Variants in SP3 observed in about 807,000 individuals in gnomAD.
SP3 encodes the protein Sp3 transcription factor.
In SP3, 10 loss-of-function variants were observed where a neutral mutation model predicts 70.3. The ratio of observed to expected loss-of-function variants is 0.14; its 90% confidence interval spans 0.09 to 0.24. The LOEUF (loss-of-function observed/expected upper bound fraction) is 0.24. SP3 is among the 10% of genes least tolerant of loss of function. SP3 has a pLI of 1.00. For missense variants in SP3, 825 were observed against 914.6 expected, an observed-to-expected ratio of 0.90 and a Z score of 1.26; for synonymous variants, 402 against 333.5, an observed-to-expected ratio of 1.21 and a Z score of -2.24.
At chr2:173,918,267 T>TA (rs1470835297) in intron 5 of SP3, among the ~76,000 whole-genome samples, 4 of 152,136 alleles carry the variant, frequency 2.6e-5, no homozygotes, top group East Asian at 1.9e-4. Flanking sequence ...ATTCTCAACC[T>TA]AAAAAATCAA....
At chr2:173,933,890 C>G (rs1199837397) in intron 4 of SP3, among the ~76,000 whole-genome samples, 2 of 151,780 alleles carry the variant, frequency 1.3e-5, no homozygotes, top group Non-Finnish European at 2.9e-5. Flanking sequence ...CATGGAACAT[C>G]ATTTGCCCTT....
intron 4 of SP3, among the ~76,000 whole-genome samples, chr2:173,951,808 A>C (rs1237471684): frequency 6.6e-6 from 1 of 152,182 alleles, no homozygotes; most frequent in African/African-American, 2.4e-5. Flanking sequence ...CTTTGAATGG[A>C]TCTTTTACTC....
rs1463814975 is a variant in SP3 at position 173,907,171 on chromosome 2, T to C, written c.*2770A>G. 6.6e-6 allele frequency: 1 copy of C among 152,144 alleles called. No homozygotes were observed. Among genetic ancestry groups the C allele is most frequent in the Non-Finnish European group, 1.5e-5 (1 of 67,986 alleles). 9.4% of individuals were successfully genotyped at this position (152,144 alleles called of 1,614,324 possible). On this transcript the variant is annotated 3_prime_UTR_variant, in exon 7 of 7. Transcript: ENST00000310015. ...CTTTCTTAAATTAAAATTTGAGGTATACAGATAATCGCGTCCACTAAATGT... is the reference window on the plus strand; with the variant it reads ...CTTTCTTAAATTAAAATTTGAGGTACACAGATAATCGCGTCCACTAAATGT...
At chr2:173,921,111 T>G (rs188780391) in intron 4 of SP3, among the ~76,000 whole-genome samples, 2 of 152,302 alleles carry the variant, frequency 1.3e-5, no homozygotes. Context: ...TGAATGCATA[T>G]TGTACTTCAA....
chr2:173,938,942 T>A (rs959575889), intron 4 of SP3, among the ~76,000 whole-genome samples: 2 of 152,190 alleles, frequency 1.3e-5, no homozygotes, highest in Admixed American at 1.3e-4. Flanking sequence ...CCATTTTTTT[T>A]ATTATCACAA....
chr2:173,920,537 G>C (rs192475738), intron 4 of SP3, among the ~76,000 whole-genome samples: 3 of 152,028 alleles, frequency 2.0e-5, no homozygotes, highest in Non-Finnish European at 4.4e-5. Context: ...GGGGCGGGGG[G>C]TAAGGTATAT....
At chr2:173,937,913 A>T (rs1690251268) in intron 4 of SP3, among the ~76,000 whole-genome samples, 1 of 152,184 alleles carries the variant, frequency 6.6e-6, no homozygotes. Flanking sequence ...CTTACAAAAA[A>T]TCTCTCATCA....
chr2:173,936,084 G>A (rs1432044288), intron 4 of SP3, among the ~76,000 whole-genome samples: 1 of 152,156 alleles, frequency 6.6e-6, no homozygotes, highest in Non-Finnish European at 1.5e-5. Context: ...CTGGAGAGCA[G>A]TGGCACAATG....
In SP3 at chr2:173,907,968, G is replaced by C. The variant is rs965270305; in HGVS notation, c.*1973C>G. ...TTACAGACAGAGTCAGACTGGGCCT[G>C]GAAAACAGAAAATGGACATCTTTAC... On this transcript the variant is annotated 3_prime_UTR_variant, in exon 7 of 7. Transcript: ENST00000310015. The C allele has an allele frequency of 2.6e-5, 4 of 151,966 alleles. No homozygotes were observed. The highest frequency in any genetic ancestry group is 5.9e-5 in the Non-Finnish European group (4 of 67,938). The allele number at this position is 151,966 out of a possible 1,614,324, so 9.4% of individuals were successfully genotyped here.
rs191544525 is a variant in SP3, at chr2:173,912,920, T to C, written c.2029+150A>G. 601 of 491,638 alleles carry C rather than the reference T, an allele frequency of 1.2e-3. 1 individual carries two copies. Among genetic ancestry groups the C allele is most frequent in the African/African-American group, 0.011 (552 of 50,874 alleles). 30.5% of individuals were successfully genotyped at this position (491,638 alleles called of 1,614,324 possible). A position where few individuals can be genotyped will look rare whatever the true frequency, so the allele number is the denominator to read the frequency against. On this transcript the variant is annotated intron_variant, in intron 6 of 6. Coordinates refer to ENST00000310015, the MANE Select transcript of SP3 (RefSeq NM_003111.5). Reference sequence around the variant, plus strand: ...ACTTGTTCTTTGGAATTTGTGTTATTAAGATGGTGTTACTAAAGGTAAAAA... The same window carrying C: ...ACTTGTTCTTTGGAATTTGTGTTATCAAGATGGTGTTACTAAAGGTAAAAA...
At chr2:173,941,128 A>T (rs1291365522) in intron 4 of SP3, among the ~76,000 whole-genome samples, 3 of 98,562 alleles carry the variant, frequency 3.0e-5, no homozygotes, top group Admixed American at 1.1e-4. Context: ...CAACACGAGT[A>T]AAAAAAAAAA....
rs763095895 is a variant in SP3 at position 173,964,473 on chromosome 2, G to GGCCGCCGCCGCC, written c.76_87dup (p.Gly26_Gly29dup). The GGCCGCCGCCGCC allele has an allele frequency of 2.8e-6, 2 of 707,908 alleles. No homozygotes were observed. The highest frequency in any genetic ancestry group is 1.5e-5 in the South Asian group (1 of 67,230). 43.9% of individuals were successfully genotyped at this position (707,908 alleles called of 1,614,324 possible). A position where few individuals can be genotyped will look rare whatever the true frequency, so the allele number is the denominator to read the frequency against. Reference sequence around the variant, plus strand: ...TGCTGCTGCTGCAGATACTCGCCGTGGCCGCCGCCGCCGCCACCGCCGCCG... The same window carrying GGCCGCCGCCGCC: ...TGCTGCTGCTGCAGATACTCGCCGTGGCCGCCGCCGCCGCCGCCGCCGCCGCCACCGCCGCCG... On this transcript the variant is annotated inframe_insertion, in exon 2 of 7. Coordinates refer to ENST00000310015, the MANE Select transcript of SP3 (RefSeq NM_003111.5).
intron 5 of SP3, among the ~76,000 whole-genome samples, chr2:173,917,861 A>G (rs995936590): frequency 6.6e-6 from 1 of 152,076 alleles, no homozygotes; most frequent in Admixed American, 6.6e-5. Flanking sequence ...CGTGTGATAT[A>G]TTAACACTGC....
chr2:173,963,779 G>A lies in SP3; in HGVS notation c.261C>T (p.Ala87=). The A allele has an allele frequency of 3.7e-6, 5 of 1,361,326 alleles. No homozygotes were observed. Among genetic ancestry groups the A allele is most frequent in the Non-Finnish European group, 4.8e-6 (5 of 1,040,664 alleles). The allele number at this position is 1,361,326 out of a possible 1,614,324, so 84.3% of individuals were successfully genotyped here. Residue 87 remains alanine (A), a synonymous_variant, in exon 3 of 7, where the codon GCC becomes GCT. Transcript: ENST00000310015. ...DEEEAAAAAG[A]PAAAGATGDL... The stretch of plus-strand genomic sequence containing the variant: ...GACTTACCGCTCCGGCGGCGGCGGG[G>A]GCCCCGGCTGCGGCGGCCGCCTCCT...
chr2:173,913,317 GACAT>G, intron 5 of SP3, 51 bp from the exon 6 acceptor site: 2 of 1,285,812 alleles, frequency 1.6e-6, no homozygotes, highest in Non-Finnish European at 2.1e-6. Flanking sequence ...TATTCAAATG[GACAT>G]TACCATTTAC....
chr2:173,951,282 TTA>T (rs1204884229), intron 4 of SP3, among the ~76,000 whole-genome samples: 3 of 152,206 alleles, frequency 2.0e-5, no homozygotes, highest in Admixed American at 2.0e-4. Flanking sequence ...CTCAAACCTT[TTA>T]GTCTCAGAAC....
At chr2:173,957,396 GAA>G (rs1211610766) in intron 3 of SP3, among the ~76,000 whole-genome samples, 1 of 151,302 alleles carries the variant, frequency 6.6e-6, no homozygotes, top group Non-Finnish European at 1.5e-5. Flanking sequence ...ACACAAGATT[GAA>G]AAAAAAGATT....
intron 4 of SP3, among the ~76,000 whole-genome samples, chr2:173,930,539 A>G (rs993486705): frequency 3.3e-5 from 5 of 152,238 alleles, no homozygotes; most frequent in African/African-American, 7.2e-5. Flanking sequence ...TCTCTTTCTT[A>G]TAACACCTTG....
At chr2:173,912,939 G>T (rs1420723110) in intron 6 of SP3, 131 bp downstream of exon 6, 4 of 580,684 alleles carry the variant, frequency 6.9e-6, no homozygotes, top group African/African-American at 6.0e-5. Flanking sequence ...GTTACTAAAG[G>T]TAAAAATTGG....
Sources: gnomAD v4.1 joint callset for allele counts (sites outside exome capture counted in the v4.1 genomes callset) on GRCh38, gnomAD v4.1.1 for gene constraint, MANE v1.5 for transcripts, NCBI Gene and HGNC (gene_info 2026-07-23, HGNC 2026-07-21) for gene names.